HLA-DQB1: variants seen among roughly 807,000 people sequenced by gnomAD.
The protein encoded by HLA-DQB1 is HLA class II histocompatibility antigen, DQ beta 1 chain.
HLA-DQB1 carries 13 observed loss-of-function variants against 26.4 expected under a neutral mutation model. The ratio of observed to expected loss-of-function variants is 0.49; its 90% CI spans 0.32 to 0.78. HLA-DQB1 has a LOEUF of 0.78. HLA-DQB1 is among the 30% of genes least tolerant of loss of function. The pLI is 0.03. For missense variants in HLA-DQB1, 158 were observed against 326.2 expected, an observed-to-expected ratio of 0.48 and a Z score of 3.97; for synonymous variants, 60 against 129.1, an observed-to-expected ratio of 0.46 and a Z score of 3.63.
At chr6:32,661,637 TGA>T in intron 3 of HLA-DQB1, 180 bp from the exon 4 acceptor site, 2 of 434,642 alleles carry the variant, frequency 4.6e-6, no homozygotes, top group Non-Finnish European at 7.9e-6. Context: ...AGTGAATAGG[TGA>T]GAGAGTGGGG....
At chr6:32,663,707 A>C (rs281863297) in intron 2 of HLA-DQB1, 1 of 136,642 alleles carries the variant, frequency 7.3e-6, no homozygotes, top group Non-Finnish European at 1.6e-5. Flanking sequence ...AACTGTCTAG[A>C]AATAAGTGCT....
At chr6:32,665,918 G>T (rs281861321) in intron 1 of HLA-DQB1, among the ~76,000 whole-genome samples, 1 of 136,816 alleles carries the variant, frequency 7.3e-6, no homozygotes. Flanking sequence ...ATTAACTCGG[G>T]TCTCTGAATC....
intron 2 of HLA-DQB1, chr6:32,664,565 G>T (rs9274342): frequency 0.075 from 15,262 of 203,918 alleles, 2,717 homozygotes; most frequent in African/African-American, 0.13. Context: ...GACGGACGGG[G>T]AGGCTGGGGG....
chr6:32,662,949 A>T (rs281863656), intron 2 of HLA-DQB1: 1 of 136,254 alleles, frequency 7.3e-6, no homozygotes, highest in African/African-American at 2.7e-5. Context: ...TCTCCACAGA[A>T]AATATTCTGA....
intron 3 of HLA-DQB1, 47 bp downstream of exon 3, chr6:32,661,920 T>TATGCC: frequency 8.2e-7 from 1 of 1,214,392 alleles, no homozygotes; most frequent in Admixed American, 2.3e-5. Flanking sequence ...CAGAAGGAGC[T>TATGCC]CTTTGTCTTG....
intron 1 of HLA-DQB1, among the ~76,000 whole-genome samples, chr6:32,665,608 G>GAAGGGA (rs9282153): frequency 3.5e-5 from 2 of 56,742 alleles, no homozygotes; most frequent in African/African-American, 1.3e-4. Flanking sequence ...ATGTTGGAAA[G>GAAGGGA]GACCTACACC....
At chr6:32,664,685 G>C (rs281862190) in intron 2 of HLA-DQB1, 113 bp downstream of exon 2, 9,930 of 369,872 alleles carry the variant, frequency 0.027, 3,076 homozygotes, top group South Asian at 0.23. Context: ...TTTCCCCTGG[G>C]GTGGAATGAA....
chr6:32,665,645 T>G (rs281861541), intron 1 of HLA-DQB1, among the ~76,000 whole-genome samples: 1 of 114,510 alleles, frequency 8.7e-6, no homozygotes, highest in African/African-American at 3.2e-5. Flanking sequence ...AGACATTTAT[T>G]CATGGAAAGA....
Position 32,660,313 on chromosome 6 carries a change from C to A in HLA-DQB1, c.773-64G>T. The A allele has an allele frequency of 4.8e-6, 4 of 836,732 alleles. 1 individual carries two copies. Among genetic ancestry groups the A allele is most frequent in the Non-Finnish European group, 7.1e-6 (4 of 559,802 alleles). 51.8% of individuals were successfully genotyped at this position (836,732 alleles called of 1,614,324 possible). On this transcript the variant is annotated intron_variant, in intron 4 of 4. Transcript: ENST00000434651. Reference sequence around the variant, plus strand: ...CCTGGTGGGCCTGCCATCTCCCCCACCCTTCAGGGGCCCCCTGCAGCTTCA... The same window carrying A: ...CCTGGTGGGCCTGCCATCTCCCCCAACCTTCAGGGGCCCCCTGCAGCTTCA...
At chr6:32,661,898 G>A (rs281864182) in intron 3 of HLA-DQB1, 69 bp downstream of exon 3, 1 of 1,118,244 alleles carries the variant, frequency 8.9e-7, no homozygotes, top group South Asian at 1.5e-5. Flanking sequence ...TAAGAGATGG[G>A]AAGGAATGGG....
intron 1 of HLA-DQB1, 130 bp downstream of exon 1, chr6:32,666,369 T>A (rs281860964): frequency 4.7e-6 from 2 of 425,678 alleles, no homozygotes; most frequent in South Asian, 6.6e-5. Flanking sequence ...TAGCTTTCTT[T>A]CCCAAGAGAG....
At chr6:32,664,969 C>T (rs45519640) in exon 2 of HLA-DQB1, 5 of 1,360,906 alleles carry the variant, frequency 3.7e-6, no homozygotes, top group Non-Finnish European at 5.2e-6. Flanking sequence ...TCGAAGCGCG[C>T]GTACTCCTCT....
chr6:32,665,132 A>G (rs281861996), intron 1 of HLA-DQB1, 65 bp from the exon 2 acceptor site: 1 of 953,660 alleles, frequency 1.0e-6, no homozygotes, highest in Non-Finnish European at 1.4e-6. Context: ...CGCCGCCCTG[A>G]CCCGGCCTGG....
exon 5 of HLA-DQB1, chr6:32,660,083 A>G (rs1782837687): frequency 2.4e-6 from 1 of 409,796 alleles, no homozygotes; most frequent in Non-Finnish European, 4.5e-6. Context: ...TGGGGTGGGG[A>G]TGAAAGGAGA....
rs281864096 is a variant in HLA-DQB1 at position 32,662,263 on chromosome 6, A to G, written c.380-15T>C. ...TGTGGGCTCCACTGAGGGCAGTAACAGACAGGAAAAGACATAGGAGTGAGA... is the reference window on the plus strand; with the variant it reads ...TGTGGGCTCCACTGAGGGCAGTAACGGACAGGAAAAGACATAGGAGTGAGA... On this transcript the variant is annotated splice_polypyrimidine_tract_variant and intron_variant, in intron 2 of 4. Coordinates refer to ENST00000434651, the Ensembl canonical transcript of HLA-DQB1. 3.4e-6 allele frequency: 4 copies of G among 1,190,312 alleles called. No individual in the cohort carries two copies. The highest frequency in any genetic ancestry group is 3.4e-6 in the Non-Finnish European group (3 of 877,772). 73.7% of individuals were successfully genotyped at this position (1,190,312 alleles called of 1,614,324 possible).
intron 4 of HLA-DQB1, chr6:32,660,454 T>TC (rs149858742): frequency 0.033 from 11,357 of 339,196 alleles, 2,107 homozygotes; most frequent in East Asian, 0.23. Flanking sequence ...GTGTGGGAGG[T>TC]GGGGAACAGC....
chr6:32,665,573 G>A (rs281861609), intron 1 of HLA-DQB1, among the ~76,000 whole-genome samples: 4,950 of 91,982 alleles, frequency 0.054, 1,099 homozygotes, highest in East Asian at 0.15. Flanking sequence ...ACCCTCCCAA[G>A]TCCCGTTGAG....
chr6:32,662,074 C>T lies in HLA-DQB1; in HGVS notation c.554G>A (p.Trp185Ter). Reference sequence around the variant, plus strand: ...CAGCATCACCAGGATCTGGAAAGTCCAGTCACCATTCCTAATAAGGGGGGT... The same window carrying T: ...CAGCATCACCAGGATCTGGAAAGTCTAGTCACCATTCCTAATAAGGGGGGT... Residue 185 changes from tryptophan (W) to a stop codon, truncating the protein, a stop_gained, in exon 3 of 5, where the codon TGG becomes TAG. Coordinates refer to ENST00000434651, the Ensembl canonical transcript of HLA-DQB1. LOFTEE classifies it high-confidence loss of function. 3 of 1,518,438 alleles carry T rather than the reference C, an allele frequency of 2.0e-6. No homozygotes were observed. Among genetic ancestry groups the T allele is most frequent in the Non-Finnish European group, 2.7e-6 (3 of 1,115,744 alleles). The allele number at this position is 1,518,438 out of a possible 1,614,324, so 94.1% of individuals were successfully genotyped here.
chr6:32,661,802 A>G, intron 3 of HLA-DQB1, 165 bp downstream of exon 3: 1 of 609,272 alleles, frequency 1.6e-6, no homozygotes, highest in South Asian at 2.4e-5. Flanking sequence ...AAAGGTGATG[A>G]GACCAGGATT....
Sources: gnomAD v4.1 joint callset for allele counts (sites outside exome capture counted in the v4.1 genomes callset) on GRCh38, gnomAD v4.1.1 for gene constraint, MANE v1.5 for transcripts, NCBI Gene and HGNC (gene_info 2026-07-23, HGNC 2026-07-21) for gene names.